The following OR11A1 variants were observed in gnomAD, a reference collection of about 807,000 sequenced individuals.
OR11A1 encodes olfactory receptor family 11 subfamily A member 1.
For synonymous variants in OR11A1, 158 were observed against 152.2 expected, an observed-to-expected ratio of 1.04 and a Z score of -0.28; for missense variants, 380 against 378.2, an observed-to-expected ratio of 1.00 and a Z score of -0.04.
At chr6:29,429,230 T>C (rs945027416) in intron 3 of OR11A1, among the ~76,000 whole-genome samples, 2 of 152,152 alleles carry the variant, frequency 1.3e-5, no homozygotes, top group Non-Finnish European at 2.9e-5. Context: ...GGCACACTGT[T>C]TTGTAGTTTT....
chr6:29,444,208 A>G (rs1042187202), intron 1 of OR11A1, among the ~76,000 whole-genome samples: 9 of 152,074 alleles, frequency 5.9e-5, no homozygotes, highest in African/African-American at 2.2e-4. Context: ...TGCCCTACAC[A>G]AGCTCTCATT....
In OR11A1 at chr6:29,453,046, A is replaced by G. The variant is rs1227010279; in HGVS notation, c.-389+3941T>C. Reference sequence around the variant, plus strand: ...TTATATTCTATGTTAAAGGTATTGTATTAAGTCAGAGTAGACTCTTATAAG... The same window carrying G: ...TTATATTCTATGTTAAAGGTATTGTGTTAAGTCAGAGTAGACTCTTATAAG... On this transcript the variant is annotated intron_variant, in intron 1 of 4. Transcript: ENST00000377149. This position sits in a 1 kb window ranked among gnomAD's most constrained non-coding sequence, Gnocchi z 4.5. 6.6e-6 allele frequency among the ~76,000 whole-genome samples: 1 copy of G among 151,498 alleles called. No individual in the cohort carries two copies. Among genetic ancestry groups the G allele is most frequent in the Admixed American group, 6.6e-5 (1 of 15,230 alleles).
chr6:29,446,358 G>T (rs1374654174), intron 1 of OR11A1, among the ~76,000 whole-genome samples: 3 of 151,934 alleles, frequency 2.0e-5, no homozygotes, highest in Non-Finnish European at 4.4e-5. Flanking sequence ...CCCATTTCCT[G>T]CAAGAAGAGG....
intron 1 of OR11A1, among the ~76,000 whole-genome samples, chr6:29,448,954 C>T (rs1785055216): frequency 6.6e-6 from 1 of 152,102 alleles, no homozygotes; most frequent in Admixed American, 6.6e-5. Context: ...ACTTTAACCT[C>T]TAACTTCTCC....
chr6:29,440,247 C>G, intron 1 of OR11A1: 1 of 1,613,994 alleles, frequency 6.2e-7, no homozygotes, highest in Non-Finnish European at 8.5e-7. Flanking sequence ...TGTCACGGTC[C>G]CCCTGCTACT....
intron 1 of OR11A1, among the ~76,000 whole-genome samples, chr6:29,443,477 G>C (rs1582586310): frequency 6.6e-6 from 1 of 152,140 alleles, no homozygotes; most frequent in Admixed American, 6.5e-5. Flanking sequence ...CCATTGTATA[G>C]ATATGACATA....
intron 3 of OR11A1, among the ~76,000 whole-genome samples, chr6:29,429,228 G>A (rs1783084126): frequency 6.6e-6 from 1 of 152,156 alleles, no homozygotes; most frequent in South Asian, 2.1e-4. Context: ...ACGGCACACT[G>A]TTTTGTAGTT....
chr6:29,440,062 T>C (rs1293009989), intron 1 of OR11A1: 1 of 1,613,072 alleles, frequency 6.2e-7, no homozygotes, highest in African/African-American at 1.3e-5. Context: ...CTTCTCGGCT[T>C]CTCCCACCTG....
intron 1 of OR11A1, among the ~76,000 whole-genome samples, chr6:29,437,447 A>G (rs1271724618): frequency 2.6e-5 from 4 of 152,264 alleles, no homozygotes; most frequent in African/African-American, 9.6e-5. Flanking sequence ...AACCAATAAT[A>G]TAAAACCCAT....
At chr6:29,429,836 G>C (rs1783122011) in intron 3 of OR11A1, among the ~76,000 whole-genome samples, 1 of 152,162 alleles carries the variant, frequency 6.6e-6, no homozygotes, top group Non-Finnish European at 1.5e-5. Flanking sequence ...GGGGACCCTT[G>C]CTTGTCACAA....
intron 1 of OR11A1, chr6:29,450,430 A>G (rs1785240598): frequency 1.3e-5 from 2 of 152,270 alleles, no homozygotes; most frequent in Admixed American, 6.5e-5. Flanking sequence ...TCATCCTTGA[A>G]AAACTGAAAG....
Position 29,427,113 on chromosome 6 carries a change from G to C in OR11A1, c.529C>G (p.Gln177Glu). The stretch of plus-strand genomic sequence containing the variant: ...AAAAGCATAAAGTCACAGTAAAACT[G>C]GTCAATGTGGTTGGGGCCACAGAAC... ...LRFCGPNHID[Q>E]FYCDFMLFVG... Residue 177 changes from glutamine (Q) to glutamate (E), a missense_variant, in exon 5 of 5, where the codon CAG becomes GAG. Gln to Glu is a conservative substitution (Grantham distance 29, BLOSUM62 2). Transcript: ENST00000377149. 1 of 1,612,926 alleles carries C rather than the reference G, an allele frequency of 6.2e-7. No individual in the cohort carries two copies. Among genetic ancestry groups the C allele is most frequent in the South Asian group, 1.1e-5 (1 of 91,076 alleles).
chr6:29,445,757 A>G (rs58774316), intron 1 of OR11A1, among the ~76,000 whole-genome samples: 5,941 of 152,266 alleles, frequency 0.039, 274 homozygotes, highest in African/African-American at 0.11. Context: ...AGAGACACTG[A>G]ACAAAGGCTG....
At chr6:29,440,711 C>T in intron 1 of OR11A1, 2 of 1,613,826 alleles carry the variant, frequency 1.2e-6, no homozygotes, top group African/African-American at 2.7e-5. Flanking sequence ...CTGTTGCGGG[C>T]CGCCGCAAGG....
At chr6:29,456,294 G>A (rs1786237006) in intron 1 of OR11A1, among the ~76,000 whole-genome samples, 1 of 151,102 alleles carries the variant, frequency 6.6e-6, no homozygotes, top group Non-Finnish European at 1.5e-5. Context: ...AGGCCGAGGT[G>A]GGCGGATCAC....
intron 4 of OR11A1, 108 bp downstream of exon 4, chr6:29,428,805 C>G (rs1783058889): frequency 7.7e-6 from 1 of 130,112 alleles, no homozygotes; most frequent in African/African-American, 3.3e-5. Context: ...AGGCAAAAGA[C>G]AGGAAACCAG....
chr6:29,449,256 G>C (rs545694355), intron 1 of OR11A1, among the ~76,000 whole-genome samples: 1 of 152,156 alleles, frequency 6.6e-6, no homozygotes, highest in Non-Finnish European at 1.5e-5. Flanking sequence ...ACTCTAATAT[G>C]GGATGTTGTT....
chr6:29,455,808 G>A (rs893926056), intron 1 of OR11A1, among the ~76,000 whole-genome samples: 3 of 148,774 alleles, frequency 2.0e-5, no homozygotes, highest in Non-Finnish European at 3.0e-5. Context: ...CCCAGGAGGC[G>A]GAGGTTTTAG....
At chr6:29,448,540 A>G (rs963652422) in intron 1 of OR11A1, among the ~76,000 whole-genome samples, 3 of 152,252 alleles carry the variant, frequency 2.0e-5, no homozygotes, top group Admixed American at 1.3e-4. Flanking sequence ...TCCTGCCACT[A>G]TAGAATAATG....
Sources: gnomAD v4.1 joint callset for allele counts (sites outside exome capture counted in the v4.1 genomes callset) on GRCh38, gnomAD v4.1.1 for gene constraint, Gnocchi (gnomAD v3.1) non-coding constraint, MANE v1.5 for transcripts, NCBI Gene and HGNC (gene_info 2026-07-23, HGNC 2026-07-21) for gene names.